The following HEATR5A variants were observed in gnomAD, a reference collection of about 807,000 sequenced individuals.
The protein encoded by HEATR5A is HEAT repeat-containing protein 5A.
In HEATR5A, 178 loss-of-function variants were observed where a neutral mutation model predicts 218.8. The ratio of observed to expected loss-of-function variants is 0.81; its 90% CI spans 0.72 to 0.92. The LOEUF is 0.92. Among genes scored for constraint, HEATR5A ranks in the 40% least tolerant of loss-of-function variants. The pLI is 0.00. For synonymous variants in HEATR5A, 864 were observed against 871.6 expected (o/e 0.99, Z 0.15); for missense variants, 2,420 against 2,418.9 (o/e 1.00, Z -0.01).
At chr14:31,393,957 T>G in intron 6 of HEATR5A, 95 bp downstream of exon 6, 1 of 867,802 alleles carries the variant, frequency 1.2e-6, no homozygotes, top group African/African-American at 1.7e-5. Context: ...CTGAAATTGA[T>G]TTATAACGGG....
chr14:31,359,492 G>A (rs1901544254), intron 14 of HEATR5A, among the ~76,000 whole-genome samples: 1 of 151,972 alleles, frequency 6.6e-6, no homozygotes. Context: ...TTTGGGAGGC[G>A]AAGGTGGGTG....
chr14:31,404,013 G>A (rs954059237), intron 1 of HEATR5A, among the ~76,000 whole-genome samples: 4 of 152,234 alleles, frequency 2.6e-5, no homozygotes, highest in African/African-American at 7.2e-5. Context: ...GTTAACAGCC[G>A]AATACAGGTA....
Position 31,372,654 on chromosome 14 carries a change from C to G in HEATR5A, c.1862-745G>C, listed in dbSNP as rs8014667. ...GACCTGCCTGACCAACATGGAGAAC[C>G]CCATCTCTACTAAAAATACAAAATT... is the stretch of plus-strand genomic sequence containing the variant. On this transcript the variant is annotated intron_variant, in intron 12 of 35. Transcript: ENST00000543095. Among the ~76,000 whole-genome samples the G allele has an allele frequency of 8.5e-3, 1,299 of 152,050 alleles. 17 individuals are homozygous for G. The highest frequency in any genetic ancestry group is 0.03 in the African/African-American group (1,229 of 41,470).
intron 20 of HEATR5A, 65 bp from the exon 21 acceptor site, chr14:31,344,130 T>A (rs1900934396): frequency 2.1e-6 from 2 of 959,148 alleles, no homozygotes; most frequent in Non-Finnish European, 1.4e-6. Flanking sequence ...TAAACATATA[T>A]TACAGGTTTT....
chr14:31,321,714 A>G (rs1437846517), intron 24 of HEATR5A, 34 bp from the exon 25 acceptor site: 5 of 1,465,382 alleles, frequency 3.4e-6, no homozygotes, highest in Non-Finnish European at 4.6e-6. Flanking sequence ...GGAGAAAAAA[A>G]GATTAGAAAA....
rs572308330 is a variant in HEATR5A at position 31,363,487 on chromosome 14, C to T, written c.2071+702G>A. ...AGGTTACTTAGAAAAGGCAGCAGCA[C>T]AGCATGAGGCAAACTTATGTTTCAA... On this transcript the variant is annotated intron_variant, in intron 14 of 35. Coordinates refer to ENST00000543095, the MANE Select transcript of HEATR5A (RefSeq NM_015473.4). Among the ~76,000 whole-genome samples the T allele has an allele frequency of 2.6e-5, 4 of 152,198 alleles. No individual in the cohort carries two copies. In the East Asian group the frequency reaches 7.7e-4, roughly 29 times the overall value.
chr14:31,315,033 C>T (rs1173345834), intron 27 of HEATR5A, among the ~76,000 whole-genome samples: 3 of 151,964 alleles, frequency 2.0e-5, no homozygotes, highest in Non-Finnish European at 4.4e-5. Flanking sequence ...CTTAGCTGGG[C>T]GTGGTGATGC....
intron 21 of HEATR5A, 81 bp from the exon 22 acceptor site, chr14:31,337,695 C>G (rs373378954): frequency 2.5e-6 from 3 of 1,210,522 alleles, no homozygotes; most frequent in Middle Eastern, 1.9e-4. Context: ...CACTGGACCC[C>G]TTCCTGATTC....
intron 29 of HEATR5A, 68 bp downstream of exon 29, chr14:31,308,866 C>A: frequency 8.7e-6 from 12 of 1,385,340 alleles, no homozygotes; most frequent in Non-Finnish European, 9.7e-6. Context: ...AAGAGCAAAA[C>A]TCCATCTCAA....
At chr14:31,381,929 G>A (rs888466984) in intron 10 of HEATR5A, among the ~76,000 whole-genome samples, 1 of 152,188 alleles carries the variant, frequency 6.6e-6, no homozygotes, top group Admixed American at 6.5e-5. Flanking sequence ...TGAAAAAGCA[G>A]GAAGTATTAT....
chr14:31,410,027 T>C (rs762839524), intron 1 of HEATR5A, among the ~76,000 whole-genome samples: 3 of 152,160 alleles, frequency 2.0e-5, no homozygotes, highest in Admixed American at 6.5e-5. Context: ...AAAGAGGACA[T>C]TGGACATGAG....
At chr14:31,333,560 A>C (rs866573585) in intron 22 of HEATR5A, among the ~76,000 whole-genome samples, 1 of 152,132 alleles carries the variant, frequency 6.6e-6, no homozygotes, top group Non-Finnish European at 1.5e-5. Context: ...AACAGATTTC[A>C]AAGTATATGA....
At chr14:31,401,565 G>A (rs1183244695) in intron 2 of HEATR5A, among the ~76,000 whole-genome samples, 1 of 152,210 alleles carries the variant, frequency 6.6e-6, no homozygotes, top group Non-Finnish European at 1.5e-5. Flanking sequence ...GGGGTAGAGT[G>A]CAATGGCTAT....
chr14:31,318,688 C>T (rs1899991136), intron 25 of HEATR5A, among the ~76,000 whole-genome samples: 1 of 152,196 alleles, frequency 6.6e-6, no homozygotes. Flanking sequence ...CAGGGTTTCA[C>T]TATGTTGGCC....
chr14:31,340,547 A>G, intron 21 of HEATR5A: 4 of 926,438 alleles, frequency 4.3e-6, no homozygotes, highest in Non-Finnish European at 6.1e-6. Flanking sequence ...CTTTGACAAC[A>G]GTCAGCTAAG....
rs901555467 is a variant in HEATR5A, at chr14:31,384,673, C to T, written c.1346-902G>A. Among the ~76,000 whole-genome samples, 8 of 151,770 alleles carry T rather than the reference C, an allele frequency of 5.3e-5. No individual in the cohort carries two copies. In the South Asian group the frequency reaches 1.0e-3, roughly 20 times the overall value. Reference sequence around the variant, plus strand: ...TCCTGAGCAGCTAGGATCCCAAGTGCGTGCCACTACACCTGGCTAATTTTT... The same window carrying T: ...TCCTGAGCAGCTAGGATCCCAAGTGTGTGCCACTACACCTGGCTAATTTTT... On this transcript the variant is annotated intron_variant, in intron 9 of 35. Transcript: ENST00000543095.
chr14:31,378,011 T>C (rs1016308244), intron 11 of HEATR5A, among the ~76,000 whole-genome samples: 1 of 152,222 alleles, frequency 6.6e-6, no homozygotes, highest in African/African-American at 2.4e-5. Flanking sequence ...AGCTCTTGTT[T>C]ATCAAAATGC....
At chr14:31,385,047 C>T (rs1476789681) in intron 9 of HEATR5A, among the ~76,000 whole-genome samples, 2 of 152,110 alleles carry the variant, frequency 1.3e-5, no homozygotes, top group Non-Finnish European at 2.9e-5. Context: ...AAGTAAGTGT[C>T]CCAGATCTAA....
chr14:31,405,612 G>A (rs1263755282), intron 1 of HEATR5A, among the ~76,000 whole-genome samples: 2 of 152,088 alleles, frequency 1.3e-5, no homozygotes, highest in African/African-American at 4.8e-5. Context: ...ATAATTTCTG[G>A]AAGAACCCTA....
Sources: allele counts gnomAD v4.1 joint callset (sites outside exome capture counted in the v4.1 genomes callset), GRCh38; gene constraint gnomAD v4.1.1; transcripts MANE v1.5; gene names NCBI Gene and HGNC (gene_info 2026-07-23, HGNC 2026-07-21).